The following ZFPM2 variants were observed in gnomAD, a reference collection of about 807,000 sequenced individuals.
ZFPM2 encodes zinc finger protein, FOG family member 2.
ZFPM2 carries 20 observed loss-of-function variants against 98.6 expected under a neutral mutation model. The ratio of observed to expected loss-of-function variants is 0.20; its 90% CI spans 0.14 to 0.29. The LOEUF is 0.29. Ranked by LOEUF, ZFPM2 falls within the 10% of genes least tolerant of loss-of-function variation. The probability of loss-of-function intolerance (pLI) is 1.00; values close to 1 mark genes in which losing one functional copy is unlikely to be tolerated. For synonymous variants in ZFPM2, 518 were observed against 502.7 expected, an observed-to-expected ratio of 1.03 and a Z score of -0.41; for missense variants, 1,310 against 1,388.6, an observed-to-expected ratio of 0.94 and a Z score of 0.90.
chr8:105,561,116 T>C (rs560341736), intron 3 of ZFPM2, among the ~76,000 whole-genome samples: 54 of 152,172 alleles, frequency 3.5e-4, no homozygotes, highest in Non-Finnish European at 7.2e-4. Context: ...CTAAAAAGAA[T>C]TGGCTTCAGT....
At chr8:105,509,773 T>C (rs960125023) in intron 3 of ZFPM2, among the ~76,000 whole-genome samples, 1 of 152,134 alleles carries the variant, frequency 6.6e-6, no homozygotes, top group African/African-American at 2.4e-5. Flanking sequence ...AGTGAAGTAG[T>C]AGTTATGATC....
intron 5 of ZFPM2, among the ~76,000 whole-genome samples, chr8:105,638,649 T>C (rs1364895471): frequency 2.0e-5 from 3 of 152,058 alleles, no homozygotes; most frequent in Non-Finnish European, 2.9e-5. Flanking sequence ...TTTGATAGTG[T>C]TTTCTTATGG....
chr8:105,657,098 G>A (rs974977008), intron 5 of ZFPM2, among the ~76,000 whole-genome samples: 89 of 152,176 alleles, frequency 5.8e-4, no homozygotes, highest in African/African-American at 2.1e-3. Flanking sequence ...TGGTTAAGGA[G>A]CGAGATAAAT....
At chr8:105,346,066 T>C (rs1166833037) in intron 1 of ZFPM2, among the ~76,000 whole-genome samples, 1 of 152,148 alleles carries the variant, frequency 6.6e-6, no homozygotes, top group African/African-American at 2.4e-5. Flanking sequence ...TGTTATGGCA[T>C]AGACATTGAA....
intron 5 of ZFPM2, among the ~76,000 whole-genome samples, chr8:105,657,918 T>A (rs954830342): frequency 6.6e-6 from 1 of 152,204 alleles, no homozygotes; most frequent in African/African-American, 2.4e-5. Flanking sequence ...CCACAGTGGT[T>A]CAAATCTAAA....
intron 1 of ZFPM2, among the ~76,000 whole-genome samples, chr8:105,328,737 GTTC>G (rs1812160201): frequency 6.6e-6 from 1 of 151,938 alleles, no homozygotes; most frequent in Non-Finnish European, 1.5e-5. Context: ...TTACCAATCA[GTTC>G]TTCTTTCTCT....
chr8:105,680,303 C>G (rs908845676), intron 5 of ZFPM2, among the ~76,000 whole-genome samples: 1 of 152,034 alleles, frequency 6.6e-6, no homozygotes, highest in African/African-American at 2.4e-5. Context: ...CTACTACTGG[C>G]CTTGCTTATT....
chr8:105,533,090 C>T (rs1397481938), intron 3 of ZFPM2, among the ~76,000 whole-genome samples: 1 of 152,070 alleles, frequency 6.6e-6, no homozygotes, highest in Admixed American at 6.6e-5. Flanking sequence ...GAACATGTCT[C>T]TCAATATTTA....
chr8:105,597,581 G>A (rs993244624), intron 4 of ZFPM2, among the ~76,000 whole-genome samples: 2 of 151,848 alleles, frequency 1.3e-5, no homozygotes, highest in Admixed American at 6.6e-5. Flanking sequence ...CTCTTTTTAT[G>A]TTGAAGCCAT....
At chr8:105,698,275 G>A (rs1408179213) in intron 5 of ZFPM2, among the ~76,000 whole-genome samples, 1 of 152,148 alleles carries the variant, frequency 6.6e-6, no homozygotes, top group East Asian at 1.9e-4. Context: ...ACCAGGGCTT[G>A]CAAAGCGGAA....
At chr8:105,375,042 C>A (rs1810695859) in intron 1 of ZFPM2, among the ~76,000 whole-genome samples, 1 of 152,080 alleles carries the variant, frequency 6.6e-6, no homozygotes, top group Non-Finnish European at 1.5e-5. Flanking sequence ...TTCATGCTAT[C>A]TTTGTTTGTA....
chr8:105,384,551 ACTCAT>A (rs1260776515), intron 1 of ZFPM2, among the ~76,000 whole-genome samples: 3 of 152,086 alleles, frequency 2.0e-5, no homozygotes, highest in Admixed American at 6.6e-5. Context: ...CCTAAGGCAG[ACTCAT>A]TGCCTTTCCT....
chr8:105,423,822 C>T (rs528533132), intron 2 of ZFPM2, among the ~76,000 whole-genome samples: 1 of 152,250 alleles, frequency 6.6e-6, no homozygotes, highest in Admixed American at 6.5e-5. Context: ...TGGATGAACT[C>T]AAAGACAGTG....
chr8:105,743,309 G>C (rs1270540315), intron 5 of ZFPM2, among the ~76,000 whole-genome samples: 1 of 152,016 alleles, frequency 6.6e-6, no homozygotes, highest in Non-Finnish European at 1.5e-5. Flanking sequence ...ATTTCAGTCA[G>C]ACCTGTATGA....
chr8:105,442,881 A>C (rs1490315121), intron 2 of ZFPM2, among the ~76,000 whole-genome samples: 3 of 146,622 alleles, frequency 2.0e-5, no homozygotes, highest in Non-Finnish European at 3.0e-5. Flanking sequence ...TAACTTTGGA[A>C]GTTCTTAGAA....
At chr8:105,641,688 C>T (rs186355007) in intron 5 of ZFPM2, among the ~76,000 whole-genome samples, 217 of 152,186 alleles carry the variant, frequency 1.4e-3, no homozygotes, top group African/African-American at 4.9e-3. Context: ...TTATTTCAAT[C>T]TGAGTCTGGG....
intron 3 of ZFPM2, among the ~76,000 whole-genome samples, chr8:105,475,578 G>A (rs1418773455): frequency 1.3e-5 from 2 of 152,182 alleles, no homozygotes; most frequent in South Asian, 2.1e-4. Flanking sequence ...AGATTTAAGC[G>A]GAGGAAGCAA....
chr8:105,644,545 C>T (rs761317667), intron 5 of ZFPM2, among the ~76,000 whole-genome samples: 2 of 152,072 alleles, frequency 1.3e-5, no homozygotes, highest in Admixed American at 1.3e-4. Flanking sequence ...TCCCCATACC[C>T]CCATCACCAC....
intron 3 of ZFPM2, among the ~76,000 whole-genome samples, chr8:105,515,456 T>C (rs1178911987): frequency 1.3e-5 from 2 of 152,196 alleles, no homozygotes; most frequent in Non-Finnish European, 2.9e-5. Context: ...GATTAAAAGC[T>C]CCAGGGAACA....
Sources: allele counts gnomAD v4.1 joint callset (sites outside exome capture counted in the v4.1 genomes callset), GRCh38; gene constraint gnomAD v4.1.1; transcripts MANE v1.5; gene names NCBI Gene and HGNC (gene_info 2026-07-23, HGNC 2026-07-21).